PCDHA8: variants seen among roughly 807,000 people sequenced by gnomAD.
PCDHA8 encodes the protein protocadherin alpha 8, also known as protocadherin alpha-8.
A neutral mutation model predicts 61.8 loss-of-function variants in PCDHA8; 53 were observed. The ratio of observed to expected loss-of-function variants is 0.86; its 90% confidence interval spans 0.69 to 1.08. PCDHA8 has a LOEUF of 1.08. Among genes scored for constraint, PCDHA8 ranks in the 50% least tolerant of loss-of-function variants. PCDHA8 has a pLI of 0.00. For synonymous variants in PCDHA8, 618 were observed against 556.6 expected, an observed-to-expected ratio of 1.11 and a Z score of -1.55; for missense variants, 1,293 against 1,245.0, an observed-to-expected ratio of 1.04 and a Z score of -0.58.
intron 1 of PCDHA8, chr5:140,852,642 A>T (rs2042423560): frequency 2.1e-6 from 2 of 960,454 alleles, no homozygotes; most frequent in African/African-American, 3.6e-5. Flanking sequence ...CTGTCATTAA[A>T]CCTATCTATA....
At chr5:140,932,309 ATATAT>A (rs1441363335) in intron 1 of PCDHA8, among the ~76,000 whole-genome samples, 6 of 151,956 alleles carry the variant, frequency 3.9e-5, no homozygotes, top group Non-Finnish European at 8.8e-5. Context: ...AAAGGTATAA[ATATAT>A]TAATGTAGCA....
rs200797202 is a variant in PCDHA8 at position 140,937,911 on chromosome 5, C to CA, written c.2395-41022dup. On this transcript the variant is annotated intron_variant, in intron 1 of 3. Coordinates refer to ENST00000531613, the MANE Select transcript of PCDHA8 (RefSeq NM_018911.3). ...TGGGCGACAGAGTGAGACTCCGTCT[C>CA]AAAAAAAAAAAAAAAAGTTTAATTT... 3.1e-3 allele frequency among the ~76,000 whole-genome samples: 361 copies of CA among 117,828 alleles called. 2 individuals are homozygous for CA. In the East Asian group the frequency reaches 0.042, roughly 14 times the overall value. 77.3% of individuals were successfully genotyped at this position (117,828 alleles called of 152,430 possible).
At chr5:140,884,908 T>C (rs1056953779) in intron 1 of PCDHA8, among the ~76,000 whole-genome samples, 1 of 152,234 alleles carries the variant, frequency 6.6e-6, no homozygotes, top group Admixed American at 6.5e-5. Flanking sequence ...TGTTGTATTC[T>C]TAATAGTTCT....
intron 1 of PCDHA8, among the ~76,000 whole-genome samples, chr5:140,873,569 G>A (rs1419596036): frequency 6.7e-6 from 1 of 148,974 alleles, no homozygotes; most frequent in African/African-American, 2.4e-5. Context: ...TTCTAGTTTG[G>A]TTGTTTAAGT....
intron 1 of PCDHA8, chr5:140,851,271 T>C: frequency 1.9e-6 from 2 of 1,067,438 alleles, no homozygotes; most frequent in South Asian, 8.1e-5. Flanking sequence ...TCTACTTGTA[T>C]TGTTTATAAG....
intron 1 of PCDHA8, chr5:140,868,241 T>C (rs1042254119): frequency 2.0e-5 from 3 of 152,140 alleles, no homozygotes; most frequent in Non-Finnish European, 4.4e-5. Flanking sequence ...TCTAGATCAA[T>C]AGACTTTTCC....
Position 140,967,464 on chromosome 5 carries a change from G to A in PCDHA8, c.2395-11485G>A, listed in dbSNP as rs781900904. The A allele has an allele frequency of 1.9e-6, 3 of 1,613,386 alleles. No individual in the cohort carries two copies. In the East Asian group the frequency reaches 6.7e-5, roughly 36 times the overall value. ...CTGGTTCTCACAGCCGTGGATGGGG[G>A]CATCCCAGCCCGCTCGGGTACGGCA... On this transcript the variant is annotated intron_variant, in intron 1 of 3. Coordinates refer to ENST00000531613, the MANE Select transcript of PCDHA8 (RefSeq NM_018911.3).
chr5:140,848,314 G>T, intron 1 of PCDHA8: 1 of 733,978 alleles, frequency 1.4e-6, no homozygotes, highest in Non-Finnish European at 2.3e-6. Context: ...ACTCTTTGCC[G>T]CGATGTTCTC....
chr5:141,009,712 C>T lies in PCDHA8; in HGVS notation c.2628C>T (p.Pro876=). The T allele has an allele frequency of 1.2e-6, 2 of 1,614,156 alleles. No individual in the cohort carries two copies. Among genetic ancestry groups the T allele is most frequent in the African/African-American group, 1.3e-5 (1 of 75,034 alleles). ...CCTTTAAATACGGACCAGGCAACCC[C>T]AAACAATCCGGTCCCGGTGAGTTGC... is the stretch of plus-strand genomic sequence containing the variant. ...SWTFKYGPGN[P]KQSGPGELPD... is the part of the protein sequence containing the mutation. The change falls in exon 4 of 4, where the codon CCC becomes CCT. Residue 876 remains proline (P), a synonymous_variant. Transcript: ENST00000531613.
chr5:141,012,183 A>G lies in PCDHA8; in HGVS notation c.*2246A>G, dbSNP rs1554263839. The stretch of plus-strand genomic sequence containing the variant: ...TAATTTATTAATGATGATAATTATA[A>G]TGTATCTGTACAGCACTTTTTACAT... On this transcript the variant is annotated 3_prime_UTR_variant, in exon 4 of 4. Coordinates refer to ENST00000531613, the MANE Select transcript of PCDHA8 (RefSeq NM_018911.3). The G allele has an allele frequency of 6.5e-6, 1 of 153,782 alleles. No homozygotes were observed. Among genetic ancestry groups the G allele is most frequent in the Admixed American group, 6.5e-5 (1 of 15,280 alleles). 9.5% of individuals were successfully genotyped at this position (153,782 alleles called of 1,614,324 possible). A position where few individuals can be genotyped will look rare whatever the true frequency, so the allele number is the denominator to read the frequency against.
chr5:140,852,043 A>G, intron 1 of PCDHA8: 1 of 921,642 alleles, frequency 1.1e-6, no homozygotes, highest in Non-Finnish European at 1.3e-6. Flanking sequence ...AGTTTTTGTT[A>G]TGTGGTTTAT....
intron 1 of PCDHA8, among the ~76,000 whole-genome samples, chr5:140,971,134 G>A (rs1387380195): frequency 6.6e-6 from 1 of 152,170 alleles, no homozygotes; most frequent in African/African-American, 2.4e-5. Context: ...GTGGTGAAGA[G>A]GCATGAACAA....
chr5:140,941,218 T>TCTTTCTTC, intron 1 of PCDHA8, among the ~76,000 whole-genome samples: 1 of 125,730 alleles, frequency 8.0e-6, no homozygotes, highest in African/African-American at 3.3e-5. Context: ...TTTCTTCCTT[T>TCTTTCTTC]CTTTCTTTCT....
At chr5:140,861,307 G>T in intron 1 of PCDHA8, 2 of 192,584 alleles carry the variant, frequency 1.0e-5, no homozygotes, top group South Asian at 9.6e-5. Flanking sequence ...AAGCGGGAAA[G>T]GACCAGTTCC....
At position 140,992,017 on chromosome 5, in the gene PCDHA8, CTGTGTGTG is replaced by C. The variant is rs10602499; in HGVS notation, c.2542+9484_2542+9491del. On this transcript the variant is annotated intron_variant, in intron 3 of 3. Coordinates refer to ENST00000531613, the MANE Select transcript of PCDHA8 (RefSeq NM_018911.3). ...CTTTCATGTTCAGGCAGAGGTGGCT[CTGTGTGTG>C]TGTGTGTGTGTGTGTGTGTGTGTGT... Among the ~76,000 whole-genome samples the C allele has an allele frequency of 9.8e-4, 142 of 145,616 alleles. No homozygotes were observed. The East Asian group carries it at 1.0e-2, about 10-fold the overall frequency.
chr5:140,928,791 G>A, intron 1 of PCDHA8: 1 of 1,614,138 alleles, frequency 6.2e-7, no homozygotes, highest in South Asian at 1.1e-5. Flanking sequence ...TTAAGCAGAG[G>A]GTGGTGGTAG....
chr5:140,969,464 C>A, intron 1 of PCDHA8: 1 of 1,491,558 alleles, frequency 6.7e-7, no homozygotes. Flanking sequence ...ATATAGTATC[C>A]ACAATTTGAT....
intron 1 of PCDHA8, among the ~76,000 whole-genome samples, chr5:140,939,358 A>C (rs1291026920): frequency 1.3e-5 from 2 of 152,172 alleles, no homozygotes; most frequent in Admixed American, 1.3e-4. Flanking sequence ...TTATGATTGC[A>C]AAGGAGGAGG....
chr5:140,871,026 G>C (rs1562655563), intron 1 of PCDHA8: 2 of 1,613,220 alleles, frequency 1.2e-6, no homozygotes, highest in Non-Finnish European at 8.5e-7. Flanking sequence ...AGGCAGACTC[G>C]CCGCGCCACC....
Sources: allele counts gnomAD v4.1 joint callset (sites outside exome capture counted in the v4.1 genomes callset), GRCh38; gene constraint gnomAD v4.1.1; transcripts MANE v1.5; gene names NCBI Gene and HGNC (gene_info 2026-07-23, HGNC 2026-07-21).